Variants in CELA3B observed in about 807,000 individuals in gnomAD.
CELA3B encodes the protein chymotrypsin-like elastase family member 3B.
CELA3B carries 34 observed loss-of-function variants against 37.2 expected under a neutral mutation model. The observed-to-expected ratio is 0.91, with a 90% CI of 0.70 to 1.22. CELA3B has a LOEUF of 1.22. Among genes scored for constraint, CELA3B ranks in the 50% most tolerant of loss-of-function variants. The pLI, the probability that CELA3B is intolerant of heterozygous loss-of-function variation, is 0.00. For missense variants in CELA3B, 340 were observed against 363.1 expected (o/e 0.94, Z 0.52); for synonymous variants, 127 against 143.5 (o/e 0.89, Z 0.82).
At chr1:21,997,230 A>G (rs1171194710) in intron 4 of CELA3B, among the ~76,000 whole-genome samples, 3 of 150,466 alleles carry the variant, frequency 2.0e-5, no homozygotes, top group Non-Finnish European at 3.0e-5. Flanking sequence ...GCGTGGTGGT[A>G]CATGCCTGTA....
intron 6 of CELA3B, among the ~76,000 whole-genome samples, chr1:21,985,511 C>T (rs888452854): frequency 6.6e-6 from 1 of 151,724 alleles, no homozygotes; most frequent in Non-Finnish European, 1.5e-5. Flanking sequence ...CTCTTGGGCT[C>T]AAGTGATCCT....
At chr1:21,982,354 G>A (rs986635020) in intron 4 of CELA3B, among the ~76,000 whole-genome samples, 7 of 152,064 alleles carry the variant, frequency 4.6e-5, no homozygotes, top group South Asian at 4.2e-4. Flanking sequence ...CAGCACTGCC[G>A]GAGGCCGAGG....
chr1:21,984,348 C>A lies in CELA3B; in HGVS notation c.642+17C>A. 6.2e-7 allele frequency: 1 copy of A among 1,610,172 alleles called. No homozygotes were observed. The highest frequency in any genetic ancestry group is 8.5e-7 in the Non-Finnish European group (1 of 1,178,294). On this transcript the variant is annotated intron_variant, in intron 6 of 7. Transcript: ENST00000337107. ...GGCTGCAATGTGAGTCAGCTCTTAC[C>A]TGCCCGAGGTGGTGCTGGGTGTGCA...
intron 4 of CELA3B, among the ~76,000 whole-genome samples, chr1:21,982,670 T>TTTTTG (rs1008515919): frequency 3.2e-4 from 48 of 151,938 alleles, no homozygotes; most frequent in East Asian, 5.8e-4. Flanking sequence ...CAGCAGTCTG[T>TTTTTG]TTTTGTTTTG....
chr1:21,998,444 T>A (rs551520489), exon 5 of CELA3B: 17 of 279,048 alleles, frequency 6.1e-5, no homozygotes, highest in East Asian at 3.3e-4. Flanking sequence ...TTAATATCTC[T>A]AGAATGTGCC....
chr1:21,995,652 A>G (rs1371619676), intron 4 of CELA3B, among the ~76,000 whole-genome samples: 3 of 150,462 alleles, frequency 2.0e-5, no homozygotes, highest in Non-Finnish European at 4.4e-5. Flanking sequence ...TTCATGCTCT[A>G]TTTTTAGATT....
downstream of CELA3B, among the ~76,000 whole-genome samples, chr1:21,993,724 T>C (rs1016066481): frequency 1.4e-5 from 2 of 144,298 alleles, no homozygotes; most frequent in African/African-American, 2.6e-5. Flanking sequence ...TTGTATTTTT[T>C]TGTAGAGATG....
intron 1 of CELA3B, chr1:21,978,009 C>T (rs564977264): frequency 1.8e-5 from 6 of 338,538 alleles, no homozygotes; most frequent in South Asian, 1.4e-4. Context: ...ACACACAGCC[C>T]AGAGCTGCAC....
intron 2 of CELA3B, 51 bp downstream of exon 2, chr1:21,978,505 A>C: frequency 6.3e-7 from 1 of 1,599,720 alleles, no homozygotes; most frequent in Non-Finnish European, 8.6e-7. Context: ...CTGGACCCTA[A>C]GCTCTAATGG....
chr1:21,994,548 C>A (rs1644881428), intron 4 of CELA3B, among the ~76,000 whole-genome samples: 1 of 151,004 alleles, frequency 6.6e-6, no homozygotes, highest in Admixed American at 6.6e-5. Flanking sequence ...TGGTTTGACT[C>A]TGACTGACAA....
Position 21,978,439 on chromosome 1 carries a change from C to T in CELA3B, c.114C>T (p.Tyr38=). 6.2e-7 allele frequency: 1 copy of T among 1,614,118 alleles called. No individual in the cohort carries two copies. Among genetic ancestry groups the T allele is most frequent in the Non-Finnish European group, 8.5e-7 (1 of 1,179,950 alleles). ...TCAATGGTGAGGATGCGGTCCCCTA[C>T]AGCTGGCCCTGGCAGGTAAGAGCAA... ...RVVNGEDAVP[Y]SWPWQVSLQY... is the part of the protein sequence containing the mutation. The change falls in exon 2 of 8, where the codon TAC becomes TAT. Residue 38 remains tyrosine, a synonymous_variant. Coordinates refer to ENST00000337107, the MANE Select transcript of CELA3B (RefSeq NM_007352.4).
chr1:21,980,935 C>T lies in CELA3B; in HGVS notation c.227+14C>T. The T allele has an allele frequency of 6.2e-7, 1 of 1,613,910 alleles. No homozygotes were observed. The stretch of plus-strand genomic sequence containing the variant: ...CCACTGCATCTCGTGAGTTCTCTAC[C>T]CTGTCCCTGCCTGTGGCCCCGGGCA... On this transcript the variant is annotated intron_variant, in intron 3 of 7. Transcript: ENST00000337107.
intron 1 of CELA3B, chr1:21,977,970 A>G (rs12058649): frequency 0.82 from 272,649 of 330,696 alleles, 117,952 homozygotes; most frequent in South Asian, 0.89. Flanking sequence ...CGGCCTCTCA[A>G]AGCACTAGGA....
At chr1:21,979,685 C>G (rs1208698465) in intron 2 of CELA3B, among the ~76,000 whole-genome samples, 2 of 151,070 alleles carry the variant, frequency 1.3e-5, no homozygotes, top group African/African-American at 4.9e-5. Context: ...AACTTCTGAG[C>G]TCCAGTGATC....
chr1:21,989,902 A>G (rs972672604), downstream of CELA3B, among the ~76,000 whole-genome samples: 6 of 150,544 alleles, frequency 4.0e-5, no homozygotes, highest in African/African-American at 1.2e-4. Flanking sequence ...TCATACTGCT[A>G]TAAAGAACTG....
At chr1:21,979,479 G>A (rs1450224505) in intron 2 of CELA3B, among the ~76,000 whole-genome samples, 26 of 110,866 alleles carry the variant, frequency 2.3e-4, no homozygotes, top group African/African-American at 6.9e-4. Context: ...TTGAGACAGG[G>A]TCTTGCTGTG....
intron 4 of CELA3B, among the ~76,000 whole-genome samples, chr1:21,982,256 G>A (rs1327559723): frequency 6.6e-6 from 1 of 152,052 alleles, no homozygotes; most frequent in East Asian, 1.9e-4. Flanking sequence ...GAGGGCAGTG[G>A]TTCTCAAAAT....
At chr1:21,993,686 G>A (rs1311935964), downstream of CELA3B, among the ~76,000 whole-genome samples, 2 of 145,444 alleles carry the variant, frequency 1.4e-5, no homozygotes, top group Admixed American at 1.4e-4. Flanking sequence ...TGGGACTACA[G>A]GTGCATGCTA....
intron 4 of CELA3B, among the ~76,000 whole-genome samples, chr1:21,995,696 C>T (rs2152818288): frequency 6.7e-6 from 1 of 149,718 alleles, no homozygotes. Flanking sequence ...TTTGCCATCA[C>T]TTTTAATGCC....
Sources: allele counts gnomAD v4.1 joint callset (sites outside exome capture counted in the v4.1 genomes callset), GRCh38; gene constraint gnomAD v4.1.1; transcripts MANE v1.5; gene names NCBI Gene and HGNC (gene_info 2026-07-23, HGNC 2026-07-21).